NXN: variants seen among roughly 807,000 people sequenced by gnomAD.
The protein encoded by NXN is nucleoredoxin.
A neutral mutation model predicts 48.6 loss-of-function variants in NXN; 16 were observed. That is an observed-to-expected ratio of 0.33 (90% CI 0.22 to 0.50). The LOEUF (loss-of-function observed/expected upper bound fraction) is 0.50, where lower values mean the gene tolerates loss of function less well. Ranked by LOEUF, NXN falls within the 20% of genes least tolerant of loss-of-function variation. The pLI is 0.98. For missense variants in NXN, 492 were observed against 605.5 expected, an observed-to-expected ratio of 0.81 and a Z score of 1.97; for synonymous variants, 281 against 269.6, an observed-to-expected ratio of 1.04 and a Z score of -0.41.
At chr17:930,838 C>A (rs1040881684) in intron 1 of NXN, among the ~76,000 whole-genome samples, 8 of 149,882 alleles carry the variant, frequency 5.3e-5, no homozygotes, top group Non-Finnish European at 1.2e-4. Flanking sequence ...GTGGTGCGAT[C>A]TCGGCTCACT....
At chr17:865,527 C>T (rs1284619463) in intron 1 of NXN, among the ~76,000 whole-genome samples, 1 of 151,862 alleles carries the variant, frequency 6.6e-6, no homozygotes. Context: ...CAGGCATGAG[C>T]CACCACGCCC....
intron 1 of NXN, among the ~76,000 whole-genome samples, chr17:948,296 A>C (rs1341450634): frequency 6.6e-6 from 1 of 152,098 alleles, no homozygotes; most frequent in African/African-American, 2.4e-5. Flanking sequence ...AAAATATCTC[A>C]CGTCCACCAT....
chr17:843,016 GAAAGAAAGAAAGAA>G (rs1914443581), intron 1 of NXN, among the ~76,000 whole-genome samples: 4 of 113,212 alleles, frequency 3.5e-5, no homozygotes, highest in South Asian at 2.7e-4. Flanking sequence ...GAGAAAGAAA[GAAAGAAAGAAAGAA>G]AGAAAGAAAG....
intron 1 of NXN, among the ~76,000 whole-genome samples, chr17:877,510 C>T (rs1331599507): frequency 6.6e-6 from 1 of 152,150 alleles, no homozygotes; most frequent in Non-Finnish European, 1.5e-5. Context: ...CGTGTGAAGC[C>T]CTGTGCTAAA....
rs763436532 is a variant in NXN at position 897,042 on chromosome 17, G to A, written c.361-70964C>T. On this transcript the variant is annotated intron_variant, in intron 1 of 7. Coordinates refer to ENST00000336868, the MANE Select transcript of NXN (RefSeq NM_022463.5). ...AAACTCCGGCGTGCCTAACAACAGC[G>A]TCACTGTCACACACGCGTGAGCTTT... is the stretch of plus-strand genomic sequence containing the variant. 865 of 1,083,020 alleles carry A rather than the reference G, an allele frequency of 8.0e-4. 2 individuals are homozygous for A. Among genetic ancestry groups the A allele is most frequent in the Admixed American group, 9.6e-4 (17 of 17,730 alleles). The allele number at this position is 1,083,020 out of a possible 1,614,324, so 67.1% of individuals were successfully genotyped here. A position where few individuals can be genotyped will look rare whatever the true frequency, so the allele number is the denominator to read the frequency against.
chr17:894,701 G>T (rs1181782705), intron 1 of NXN, among the ~76,000 whole-genome samples: 1 of 152,200 alleles, frequency 6.6e-6, no homozygotes. Context: ...GGGTCCTGCC[G>T]GGGGCAGCCT....
At chr17:941,394 C>T (rs1377415932) in intron 1 of NXN, among the ~76,000 whole-genome samples, 15 of 148,292 alleles carry the variant, frequency 1.0e-4, no homozygotes, top group Middle Eastern at 3.2e-3. Context: ...CATGAATTCA[C>T]CAAACACCTC....
Position 830,181 on chromosome 17 carries a change from G to T in NXN, c.361-4103C>A, listed in dbSNP as rs897128589. On this transcript the variant is annotated intron_variant, in intron 1 of 7. Coordinates refer to ENST00000336868, the MANE Select transcript of NXN (RefSeq NM_022463.5). This position sits in a 1 kb window ranked among gnomAD's most constrained non-coding sequence, Gnocchi z 4.2. Reference sequence around the variant, plus strand: ...CTTTCCCCGCTATGTTTTGTAACTGGTAAGAGCTGAAAGTGATTCAGCAGA... The same window carrying T: ...CTTTCCCCGCTATGTTTTGTAACTGTTAAGAGCTGAAAGTGATTCAGCAGA... Among the ~76,000 whole-genome samples the T allele has an allele frequency of 6.6e-6, 1 of 152,160 alleles. No individual in the cohort carries two copies. The highest frequency in any genetic ancestry group is 1.5e-5 in the Non-Finnish European group (1 of 68,026).
chr17:837,781 A>G (rs1044090256), intron 1 of NXN, among the ~76,000 whole-genome samples: 14 of 152,190 alleles, frequency 9.2e-5, no homozygotes, highest in African/African-American at 2.9e-4. Context: ...GACCAAGGGA[A>G]AGGGGCCGGG....
At chr17:814,475 C>G (rs1041844858) in intron 5 of NXN, among the ~76,000 whole-genome samples, 5 of 152,134 alleles carry the variant, frequency 3.3e-5, no homozygotes, top group African/African-American at 9.7e-5. Context: ...CCTCCTGACC[C>G]AATGGAGCAG....
At chr17:936,692 G>C (rs2068911215) in intron 1 of NXN, among the ~76,000 whole-genome samples, 1 of 150,756 alleles carries the variant, frequency 6.6e-6, no homozygotes, top group Non-Finnish European at 1.5e-5. Context: ...CGGGGCATCA[G>C]AGCTGTCGGC....
At chr17:842,842 G>T (rs1421187803) in intron 1 of NXN, among the ~76,000 whole-genome samples, 2 of 152,146 alleles carry the variant, frequency 1.3e-5, no homozygotes, top group African/African-American at 4.8e-5. Context: ...GGGAGGCTGG[G>T]GCAGGAGAAT....
intron 1 of NXN, among the ~76,000 whole-genome samples, chr17:922,400 T>C (rs559174400): frequency 2.6e-5 from 4 of 151,820 alleles, no homozygotes; most frequent in Admixed American, 2.6e-4. Context: ...GCCAAGATCG[T>C]GCCACTGCAC....
chr17:815,777 G>C (rs535822), intron 5 of NXN, among the ~76,000 whole-genome samples: 61,177 of 151,958 alleles, frequency 0.4, 12,473 homozygotes, highest in East Asian at 0.53. Flanking sequence ...TGGCCTGAAC[G>C]TTTAACGTGC....
At chr17:806,227 A>T (rs191671632) in intron 5 of NXN, among the ~76,000 whole-genome samples, 5 of 21,782 alleles carry the variant, frequency 2.3e-4, no homozygotes, top group African/African-American at 1.6e-3. Context: ...GCACCCCAGC[A>T]CAACCCCCTC....
At chr17:951,249 C>G (rs990730911) in intron 1 of NXN, among the ~76,000 whole-genome samples, 1 of 143,476 alleles carries the variant, frequency 7.0e-6, no homozygotes, top group African/African-American at 2.6e-5. Flanking sequence ...ACTTGGGAGG[C>G]TGAGGCACGA....
At chr17:866,567 CAATA>C (rs1490744522) in intron 1 of NXN, among the ~76,000 whole-genome samples, 1 of 152,136 alleles carries the variant, frequency 6.6e-6, no homozygotes, top group Admixed American at 6.5e-5. Context: ...GACCCCATCT[CAATA>C]AATAGATAAA....
chr17:892,997 CTG>C (rs1397064649), intron 1 of NXN, among the ~76,000 whole-genome samples: 1 of 152,236 alleles, frequency 6.6e-6, no homozygotes, highest in Non-Finnish European at 1.5e-5. Context: ...CCTGTGAACT[CTG>C]TACTTTCTGC....
At chr17:895,572 G>A (rs2068470659) in intron 1 of NXN, among the ~76,000 whole-genome samples, 1 of 151,346 alleles carries the variant, frequency 6.6e-6, no homozygotes, top group African/African-American at 2.4e-5. Flanking sequence ...CAGCACTTTG[G>A]GAGGTCGAGG....
Sources: gnomAD v4.1 joint callset for allele counts (sites outside exome capture counted in the v4.1 genomes callset) on GRCh38, gnomAD v4.1.1 for gene constraint, Gnocchi (gnomAD v3.1) non-coding constraint, MANE v1.5 for transcripts, NCBI Gene and HGNC (gene_info 2026-07-23, HGNC 2026-07-21) for gene names.